Variants in CHST9 observed in about 807,000 individuals in gnomAD.
CHST9 encodes the protein carbohydrate sulfotransferase 9.
In CHST9, 41 loss-of-function variants were observed where a neutral mutation model predicts 44.4. That is an observed-to-expected ratio of 0.92 (90% CI 0.72 to 1.20). The LOEUF is 1.20. Ranked by LOEUF, CHST9 falls within the 50% of genes most tolerant of loss-of-function variation. The pLI, the probability that CHST9 is intolerant of heterozygous loss-of-function variation, is 0.00. For synonymous variants in CHST9, 171 were observed against 178.4 expected (o/e 0.96, Z 0.33); for missense variants, 504 against 516.5 (o/e 0.98, Z 0.23).
intron 1 of CHST9, among the ~76,000 whole-genome samples, chr18:27,167,240 C>T (rs1407487754): frequency 6.6e-6 from 1 of 152,108 alleles, no homozygotes; most frequent in Non-Finnish European, 1.5e-5. Flanking sequence ...TTAAACTCTT[C>T]ACCTAAAAAG....
At chr18:27,180,299 T>C (rs551266400) in intron 1 of CHST9, among the ~76,000 whole-genome samples, 1 of 152,306 alleles carries the variant, frequency 6.6e-6, no homozygotes, top group East Asian at 1.9e-4. Flanking sequence ...TCCCTGAGCG[T>C]TAGTAGTGAA....
chr18:27,063,144 T>G (rs1255515141), intron 2 of CHST9, among the ~76,000 whole-genome samples: 1 of 152,202 alleles, frequency 6.6e-6, no homozygotes, highest in Admixed American at 6.5e-5. Flanking sequence ...GGAAATATTT[T>G]GTCCATAGCT....
chr18:27,069,864 C>G (rs1366004820), intron 2 of CHST9, among the ~76,000 whole-genome samples: 1 of 151,992 alleles, frequency 6.6e-6, no homozygotes, highest in Non-Finnish European at 1.5e-5. Context: ...CCTAGTAAAC[C>G]AAGCAGCAGC....
At chr18:27,128,460 G>A (rs1195085860) in intron 2 of CHST9, among the ~76,000 whole-genome samples, 1 of 152,056 alleles carries the variant, frequency 6.6e-6, no homozygotes, top group Non-Finnish European at 1.5e-5. Context: ...AGTAGAGACG[G>A]GGTTTCACCA....
chr18:27,128,144 A>G (rs895061459), intron 2 of CHST9, among the ~76,000 whole-genome samples: 7 of 152,178 alleles, frequency 4.6e-5, no homozygotes, highest in African/African-American at 1.7e-4. Flanking sequence ...ATATATGAAA[A>G]CAGACACCCT....
chr18:26,915,948 C>A lies in CHST9; in HGVS notation c.*311G>T. 1 of 214,058 alleles carries A rather than the reference C, an allele frequency of 4.7e-6. No individual in the cohort carries two copies. Among genetic ancestry groups the A allele is most frequent in the Non-Finnish European group, 9.4e-6 (1 of 106,420 alleles). 13.3% of individuals were successfully genotyped at this position (214,058 alleles called of 1,614,324 possible). A position where few individuals can be genotyped will look rare whatever the true frequency, so the allele number is the denominator to read the frequency against. Reference sequence around the variant, plus strand: ...TCATGCTATTTGAGATCCTTTTTTCCTACCATTGCAAGAGGCTGCTTTAGC... The same window carrying A: ...TCATGCTATTTGAGATCCTTTTTTCATACCATTGCAAGAGGCTGCTTTAGC... On this transcript the variant is annotated 3_prime_UTR_variant, in exon 6 of 6. Coordinates refer to ENST00000618847, the MANE Select transcript of CHST9 (RefSeq NM_031422.6).
intron 4 of CHST9, among the ~76,000 whole-genome samples, chr18:26,978,547 GT>G (rs1203039271): frequency 6.6e-6 from 1 of 151,942 alleles, no homozygotes; most frequent in Non-Finnish European, 1.5e-5. Flanking sequence ...ACACTCGTCT[GT>G]TTTTGTTAGC....
At chr18:26,983,743 T>C (rs925683096) in intron 4 of CHST9, among the ~76,000 whole-genome samples, 5 of 152,206 alleles carry the variant, frequency 3.3e-5, no homozygotes, top group African/African-American at 4.8e-5. Flanking sequence ...AGTGCTGATA[T>C]TATTGATCTG....
intron 4 of CHST9, among the ~76,000 whole-genome samples, chr18:27,003,621 T>G (rs1480923966): frequency 6.6e-6 from 1 of 152,196 alleles, no homozygotes; most frequent in Admixed American, 6.5e-5. Context: ...CTGAGACATC[T>G]GATATTCCTC....
chr18:26,978,881 A>T (rs996494689), intron 4 of CHST9, among the ~76,000 whole-genome samples: 3 of 152,192 alleles, frequency 2.0e-5, no homozygotes, highest in African/African-American at 7.2e-5. Flanking sequence ...AGCTGAACAG[A>T]GTGGGTTCCC....
At chr18:26,994,117 A>C (rs2056857147) in intron 4 of CHST9, among the ~76,000 whole-genome samples, 1 of 152,228 alleles carries the variant, frequency 6.6e-6, no homozygotes, top group African/African-American at 2.4e-5. Context: ...TAACATAATT[A>C]TCTCTTTATA....
At chr18:27,142,325 G>C (rs911419537) in intron 2 of CHST9, among the ~76,000 whole-genome samples, 1 of 152,188 alleles carries the variant, frequency 6.6e-6, no homozygotes, top group Non-Finnish European at 1.5e-5. Flanking sequence ...AATTAAAGGA[G>C]AGGCTGCTGT....
At chr18:27,119,583 C>T (rs1176940443) in intron 2 of CHST9, among the ~76,000 whole-genome samples, 1 of 151,878 alleles carries the variant, frequency 6.6e-6, no homozygotes, top group Non-Finnish European at 1.5e-5. Context: ...ACAGCTTAAG[C>T]CTCTGTTTGT....
At chr18:27,057,822 G>A (rs2057675396) in intron 2 of CHST9, among the ~76,000 whole-genome samples, 1 of 152,198 alleles carries the variant, frequency 6.6e-6, no homozygotes, top group Admixed American at 6.5e-5. Flanking sequence ...GCAGGCGGCT[G>A]ACCTCTCTGT....
chr18:26,957,241 G>C (rs560540386), intron 4 of CHST9, among the ~76,000 whole-genome samples: 1 of 152,346 alleles, frequency 6.6e-6, no homozygotes, highest in East Asian at 1.9e-4. Flanking sequence ...CAGAGGCTAA[G>C]TGAATTACGG....
At chr18:26,950,402 T>C (rs1014909448) in intron 4 of CHST9, among the ~76,000 whole-genome samples, 2 of 152,264 alleles carry the variant, frequency 1.3e-5, no homozygotes, top group Admixed American at 1.3e-4. Flanking sequence ...TTTCATTATA[T>C]AAAAAAGACA....
At chr18:26,965,216 A>C (rs968297620) in intron 4 of CHST9, among the ~76,000 whole-genome samples, 6 of 152,206 alleles carry the variant, frequency 3.9e-5, no homozygotes. Context: ...CTGGTGGGTC[A>C]TGGCCCGAAG....
intron 4 of CHST9, among the ~76,000 whole-genome samples, chr18:26,981,126 TAAG>T (rs1384961250): frequency 6.6e-6 from 1 of 152,178 alleles, no homozygotes; most frequent in Non-Finnish European, 1.5e-5. Context: ...TTTCTCAAGT[TAAG>T]AAGTAGATTG....
intron 2 of CHST9, among the ~76,000 whole-genome samples, chr18:27,093,231 A>G (rs2058086143): frequency 6.6e-6 from 1 of 152,214 alleles, no homozygotes; most frequent in African/African-American, 2.4e-5. Context: ...CAGTCTCTCC[A>G]TTCTCAGAGC....
Sources: allele counts gnomAD v4.1 joint callset (sites outside exome capture counted in the v4.1 genomes callset), GRCh38; gene constraint gnomAD v4.1.1; transcripts MANE v1.5; gene names NCBI Gene and HGNC (gene_info 2026-07-23, HGNC 2026-07-21).